Variants in PCNX2 observed in about 807,000 individuals in gnomAD.
The protein encoded by PCNX2 is pecanex-like protein 2.
PCNX2 carries 168 observed loss-of-function variants against 223.8 expected under a neutral mutation model. That is an observed-to-expected ratio of 0.75 (90% CI 0.66 to 0.85). The LOEUF is 0.85. Ranked by LOEUF, PCNX2 falls within the 40% of genes least tolerant of loss-of-function variation. The pLI, the probability that PCNX2 is intolerant of heterozygous loss-of-function variation, is 0.00. For synonymous variants in PCNX2, 1,006 were observed against 1,052.6 expected, an observed-to-expected ratio of 0.96 and a Z score of 0.86; for missense variants, 2,507 against 2,675.5, an observed-to-expected ratio of 0.94 and a Z score of 1.39.
intron 21 of PCNX2, among the ~76,000 whole-genome samples, chr1:233,134,152 A>G (rs1571941793): frequency 6.6e-6 from 1 of 152,224 alleles, no homozygotes; most frequent in South Asian, 2.1e-4. Context: ...TCCAGAAGAA[A>G]CCCCGTGGCT....
At chr1:233,093,803 A>C (rs567262539) in intron 22 of PCNX2, among the ~76,000 whole-genome samples, 9 of 152,314 alleles carry the variant, frequency 5.9e-5, no homozygotes, top group African/African-American at 2.2e-4. Flanking sequence ...AAGGGGATCC[A>C]CTGAGTGCTG....
chr1:233,284,149 T>C (rs1407714452), intron 1 of PCNX2, among the ~76,000 whole-genome samples: 2 of 152,216 alleles, frequency 1.3e-5, no homozygotes, highest in African/African-American at 2.4e-5. Flanking sequence ...CCCAGCTCTC[T>C]AAGACATTAC....
intron 1 of PCNX2, among the ~76,000 whole-genome samples, chr1:233,271,282 T>C (rs1239287500): frequency 1.3e-5 from 2 of 152,324 alleles, no homozygotes; most frequent in East Asian, 1.9e-4. Context: ...ATTATGAATG[T>C]TTATAAAATA....
At chr1:233,024,605 T>G (rs568143158) in intron 26 of PCNX2, among the ~76,000 whole-genome samples, 21 of 152,350 alleles carry the variant, frequency 1.4e-4, no homozygotes, top group African/African-American at 4.8e-4. Context: ...TTTCTGAGGT[T>G]GAATACAATT....
At chr1:233,319,407 T>C in the PCNX2 span, among the ~76,000 whole-genome samples, 1 of 152,178 alleles carries the variant, frequency 6.6e-6, no homozygotes, top group Non-Finnish European at 1.5e-5. Flanking sequence ...TGAGGCTCCT[T>C]TCAGACAGGA....
intron 1 of PCNX2, among the ~76,000 whole-genome samples, chr1:233,270,793 G>T (rs1660601254): frequency 6.6e-6 from 1 of 152,074 alleles, no homozygotes; most frequent in Non-Finnish European, 1.5e-5. Context: ...TGATAGAGAG[G>T]TGACAAGTGA....
intron 32 of PCNX2, among the ~76,000 whole-genome samples, chr1:232,987,198 T>A (rs537075058): frequency 2.0e-4 from 31 of 152,338 alleles, no homozygotes; most frequent in African/African-American, 7.5e-4. Flanking sequence ...TCAGGGGCCC[T>A]GCCACCCCAG....
Position 233,179,089 on chromosome 1 carries a change from C to G in PCNX2, c.3153G>C (p.Gln1051His). 2 of 1,613,816 alleles carry G rather than the reference C, an allele frequency of 1.2e-6. No homozygotes were observed. The highest frequency in any genetic ancestry group is 1.7e-6 in the Non-Finnish European group (2 of 1,179,822). Reference sequence around the variant, plus strand: ...ACATGAGTACAGATGGGTCACTGCTCTGACGGCTCAGATGGTAAGAAAGGG... The same window carrying G: ...ACATGAGTACAGATGGGTCACTGCTGTGACGGCTCAGATGGTAAGAAAGGG... ...LVALSYHLSR[Q>H]SSDPSVLMSF... The change falls in exon 16 of 34, where the codon CAG becomes CAC. Residue 1051 changes from glutamine (Q) to histidine (H), a missense_variant. Gln to His is a conservative substitution (Grantham distance 24). This residue lies in a region of PCNX2 where 1,372 missense variants were observed against 1,509.4 expected (regional missense o/e 0.91). Transcript: ENST00000258229.
the PCNX2 span, among the ~76,000 whole-genome samples, chr1:233,326,606 CA>C: frequency 6.6e-6 from 1 of 152,060 alleles, no homozygotes; most frequent in African/African-American, 2.4e-5. Flanking sequence ...ATCTGAGAGA[CA>C]AAGAAAACTG....
chr1:233,324,927 T>G, the PCNX2 span, among the ~76,000 whole-genome samples: 1 of 152,146 alleles, frequency 6.6e-6, no homozygotes, highest in Non-Finnish European at 1.5e-5. Flanking sequence ...TAAGAGCTAT[T>G]GCTCAGAAAA....
Position 233,054,254 on chromosome 1 carries a change from G to A in PCNX2, c.4351+14C>T. On this transcript the variant is annotated intron_variant, in intron 25 of 33. Coordinates refer to ENST00000258229, the MANE Select transcript of PCNX2 (RefSeq NM_014801.4). ...ACCAACTTTCAACAGTTTCTACAAT[G>A]AAGAAATTCTTACCTCGGAATTCCA... 2 of 1,608,194 alleles carry A rather than the reference G, an allele frequency of 1.2e-6. No homozygotes were observed. Among genetic ancestry groups the A allele is most frequent in the Non-Finnish European group, 1.7e-6 (2 of 1,175,706 alleles).
intron 5 of PCNX2, among the ~76,000 whole-genome samples, chr1:233,257,528 C>T (rs1659800837): frequency 6.6e-6 from 1 of 152,168 alleles, no homozygotes; most frequent in Non-Finnish European, 1.5e-5. Context: ...GTGCTTAGAA[C>T]ACTGCCTGGC....
Position 233,295,381 on chromosome 1 carries a change from C to A in PCNX2, c.98G>T (p.Ser33Ile), listed in dbSNP as rs769693026. The A allele has an allele frequency of 6.4e-7, 1 of 1,560,484 alleles. No individual in the cohort carries two copies. Among genetic ancestry groups the A allele is most frequent in the South Asian group, 1.2e-5 (1 of 84,574 alleles). The change falls in exon 1 of 34, where the codon AGC becomes ATC. Residue 33 changes from serine to isoleucine, a missense_variant. Physicochemically the swap from Ser to Ile is moderately radical, Grantham distance 142. This residue lies in a region of PCNX2 where 1,031 missense variants were observed against 1,021.7 expected (regional missense o/e 1.01). Coordinates refer to ENST00000258229, the MANE Select transcript of PCNX2 (RefSeq NM_014801.4). This position sits in a 1 kb window ranked among gnomAD's most constrained non-coding sequence, Gnocchi z 4.1. ...HDPEQSKFTN[S>I]CHLYLWLFLL... ...GAACAGCCACAGGTAGAGGTGGCAGCTGTTGGTGAACTTGCTCTGCTCCGG... is the reference window on the plus strand; with the variant it reads ...GAACAGCCACAGGTAGAGGTGGCAGATGTTGGTGAACTTGCTCTGCTCCGG...
intron 28 of PCNX2, among the ~76,000 whole-genome samples, chr1:233,005,020 C>A (rs942037750): frequency 6.6e-6 from 1 of 152,182 alleles, no homozygotes; most frequent in African/African-American, 2.4e-5. Context: ...AGTCAGGCTG[C>A]AGGTAGGCTG....
At chr1:233,018,846 C>T (rs937517588) in intron 26 of PCNX2, 36 of 985,412 alleles carry the variant, frequency 3.7e-5, no homozygotes, top group South Asian at 2.3e-4. Context: ...TAGAAACAAA[C>T]GCTTAATTGA....
At chr1:233,271,915 C>G (rs571296416) in intron 1 of PCNX2, among the ~76,000 whole-genome samples, 14 of 152,256 alleles carry the variant, frequency 9.2e-5, no homozygotes, top group African/African-American at 3.4e-4. Context: ...TGTGATGCCT[C>G]CAGATTTGTT....
chr1:233,271,316 T>A (rs537884605), intron 1 of PCNX2, among the ~76,000 whole-genome samples: 5 of 152,316 alleles, frequency 3.3e-5, no homozygotes, highest in African/African-American at 1.2e-4. Context: ...ATCAACACCA[T>A]ATTTTATATA....
chr1:233,252,287 C>G, intron 7 of PCNX2, 67 bp downstream of exon 7: 1 of 1,516,662 alleles, frequency 6.6e-7, no homozygotes, highest in Non-Finnish European at 9.0e-7. Context: ...TAAGGTATCA[C>G]ACTGAGTCCT....
intron 15 of PCNX2, among the ~76,000 whole-genome samples, chr1:233,198,613 T>A (rs1319860395): frequency 1.3e-5 from 2 of 152,212 alleles, no homozygotes; most frequent in Admixed American, 1.3e-4. Context: ...TTGAGTGGTA[T>A]TTCAGGAAGT....
Sources: gnomAD v4.1 joint callset for allele counts (sites outside exome capture counted in the v4.1 genomes callset) on GRCh38, gnomAD v4.1.1 for gene constraint, gnomAD v4.1.1 regional missense constraint, Gnocchi (gnomAD v3.1) non-coding constraint, MANE v1.5 for transcripts, NCBI Gene and HGNC (gene_info 2026-07-23, HGNC 2026-07-21) for gene names.